POLR3B: variants seen among roughly 807,000 people sequenced by gnomAD.
POLR3B encodes DNA-directed RNA polymerase III subunit RPC2.
POLR3B carries 96 observed loss-of-function variants against 147.4 expected under a neutral mutation model. The observed-to-expected ratio is 0.65, with a 90% CI of 0.55 to 0.77. The LOEUF is 0.77. Among genes scored for constraint, POLR3B ranks in the 30% least tolerant of loss-of-function variants. POLR3B has a pLI of 0.00. For missense variants in POLR3B, 1,036 were observed against 1,413.5 expected (o/e 0.73, Z 4.28); for synonymous variants, 461 against 485.9 (o/e 0.95, Z 0.67).
At chr12:106,486,017 C>T (rs945828506) in intron 23 of POLR3B, among the ~76,000 whole-genome samples, 4 of 151,984 alleles carry the variant, frequency 2.6e-5, no homozygotes, top group Admixed American at 6.6e-5. Context: ...TGGCCAGGCG[C>T]GGTGGCTCAC....
At chr12:106,416,158 A>T (rs1320799321) in intron 12 of POLR3B, among the ~76,000 whole-genome samples, 3 of 152,194 alleles carry the variant, frequency 2.0e-5, no homozygotes, top group Admixed American at 2.0e-4. Flanking sequence ...TTTTCAAAGC[A>T]GTTATGTCCG....
intron 6 of POLR3B, among the ~76,000 whole-genome samples, chr12:106,374,336 G>T (rs890216861): frequency 1.3e-5 from 2 of 151,826 alleles, no homozygotes; most frequent in African/African-American, 4.8e-5. Context: ...CCCACCTCCA[G>T]CCTCCCTGGT....
intron 9 of POLR3B, among the ~76,000 whole-genome samples, chr12:106,384,934 T>G (rs370432565): frequency 1.3e-5 from 2 of 151,976 alleles, no homozygotes; most frequent in East Asian, 1.9e-4. Context: ...CAAGCTATTC[T>G]CCTGCCTCAG....
At chr12:106,456,823 C>G (rs1450877747) in intron 20 of POLR3B, among the ~76,000 whole-genome samples, 5 of 152,150 alleles carry the variant, frequency 3.3e-5, no homozygotes, top group African/African-American at 9.7e-5. Flanking sequence ...GCTCTGTCCT[C>G]TGAAAGAATC....
At chr12:106,472,306 A>G (rs1190783707) in intron 23 of POLR3B, among the ~76,000 whole-genome samples, 1 of 151,968 alleles carries the variant, frequency 6.6e-6, no homozygotes, top group Non-Finnish European at 1.5e-5. Context: ...TATTGTAAAT[A>G]GTGCCACAAT....
At position 106,431,114 on chromosome 12, in the gene POLR3B, G is replaced by T. The variant is rs150412535; in HGVS notation, c.1464+641G>T. ...TTGTATCTCAAGCTCCTAACATAGAGCCTTGGTTAGAGTACAGGCCCCATG... is the reference window on the plus strand; with the variant it reads ...TTGTATCTCAAGCTCCTAACATAGATCCTTGGTTAGAGTACAGGCCCCATG... On this transcript the variant is annotated intron_variant, in intron 14 of 27. Coordinates refer to ENST00000228347, the MANE Select transcript of POLR3B (RefSeq NM_018082.6). Among the ~76,000 whole-genome samples the T allele has an allele frequency of 2.9e-3, 435 of 152,302 alleles. 3 individuals carry two copies. Among genetic ancestry groups the T allele is most frequent in the African/African-American group, 9.9e-3 (412 of 41,554 alleles).
rs869133588 is a variant in POLR3B, at chr12:106,448,427, C to CTTTT, written c.2083+3863_2083+3866dup. On this transcript the variant is annotated intron_variant, in intron 19 of 27. Transcript: ENST00000228347. ...TCCAAATTCTTTACATACGTTATTT[C>CTTTT]TTTTTTTTTTTTTTTTTTTTTTTTT... Among the ~76,000 whole-genome samples the CTTTT allele has an allele frequency of 6.9e-4, 35 of 50,608 alleles. 3 individuals are homozygous for CTTTT. Among genetic ancestry groups the CTTTT allele is most frequent in the East Asian group, 1.1e-3 (2 of 1,754 alleles). 33.2% of individuals were successfully genotyped at this position (50,608 alleles called of 152,430 possible).
intron 12 of POLR3B, among the ~76,000 whole-genome samples, chr12:106,418,691 C>G (rs1177842125): frequency 2.0e-5 from 3 of 152,140 alleles, no homozygotes; most frequent in Non-Finnish European, 1.5e-5. Context: ...GGCTGAAAGG[C>G]CTTGTGCTAC....
intron 25 of POLR3B, among the ~76,000 whole-genome samples, chr12:106,498,998 CTCTA>C (rs1320024602): frequency 5.3e-5 from 8 of 152,248 alleles, no homozygotes; most frequent in African/African-American, 1.2e-4. Flanking sequence ...TTGTTAAAGC[CTCTA>C]TCTATTAAAA....
At chr12:106,407,587 T>C (rs2037166391) in intron 11 of POLR3B, among the ~76,000 whole-genome samples, 2 of 152,130 alleles carry the variant, frequency 1.3e-5, no homozygotes, top group Non-Finnish European at 2.9e-5. Flanking sequence ...TCCAGCACTT[T>C]GGGAGGCTGA....
At chr12:106,393,767 T>TACAC (rs34402190) in intron 10 of POLR3B, among the ~76,000 whole-genome samples, 2,387 of 127,972 alleles carry the variant, frequency 0.019, 25 homozygotes, top group South Asian at 0.041. Flanking sequence ...GACTGAGAAA[T>TACAC]ACACACACAC....
At chr12:106,404,820 A>G (rs769201983) in intron 10 of POLR3B, among the ~76,000 whole-genome samples, 6 of 152,276 alleles carry the variant, frequency 3.9e-5, no homozygotes, top group Non-Finnish European at 7.4e-5. Context: ...GCCTACCCCA[A>G]GGTCAGAAAT....
chr12:106,485,957 G>A (rs1206550569), intron 23 of POLR3B, among the ~76,000 whole-genome samples: 1 of 152,074 alleles, frequency 6.6e-6, no homozygotes, highest in African/African-American at 2.4e-5. Flanking sequence ...TCCTTTAACT[G>A]GTACAGTTCC....
intron 10 of POLR3B, among the ~76,000 whole-genome samples, chr12:106,401,366 T>C (rs1453616506): frequency 6.6e-6 from 1 of 151,004 alleles, no homozygotes; most frequent in Non-Finnish European, 1.5e-5. Context: ...CAGGACCAGA[T>C]GGATTCTACC....
intron 19 of POLR3B, among the ~76,000 whole-genome samples, chr12:106,450,180 T>C (rs553521122): frequency 1.3e-5 from 2 of 152,090 alleles, no homozygotes; most frequent in Non-Finnish European, 2.9e-5. Context: ...TGTATACTTA[T>C]ATGGAAAAAA....
intron 18 of POLR3B, among the ~76,000 whole-genome samples, chr12:106,443,838 T>G (rs570495594): frequency 4.0e-5 from 6 of 148,322 alleles, no homozygotes; most frequent in African/African-American, 1.5e-4. Context: ...CCTATTCTTT[T>G]TTTTTGAGAC....
chr12:106,427,179 CTTTTT>C lies in POLR3B; in HGVS notation c.1102-7_1102-3del. ...TGCTTTTTGAAAAATCACCATATAC[CTTTTT>C]TTTTTTTTTTAGCTTTTATCTCTTC... On this transcript the variant is annotated splice_polypyrimidine_tract_variant and intron_variant, in intron 12 of 27. Transcript: ENST00000228347. The C allele has an allele frequency of 1.6e-6, 2 of 1,229,212 alleles. No individual in the cohort carries two copies. The allele number at this position is 1,229,212 out of a possible 1,614,324, so 76.1% of individuals were successfully genotyped here.
At chr12:106,381,239 A>G (rs1285579225) in intron 9 of POLR3B, among the ~76,000 whole-genome samples, 1 of 152,198 alleles carries the variant, frequency 6.6e-6, no homozygotes, top group African/African-American at 2.4e-5. Context: ...CCTTCATGAA[A>G]GATTTCTCTG....
chr12:106,495,880 G>GTA, intron 23 of POLR3B, 175 bp from the exon 24 acceptor site: 1 of 689,316 alleles, frequency 1.5e-6, no homozygotes, highest in Non-Finnish European at 2.7e-6. Flanking sequence ...AGTCGTTTTT[G>GTA]AACTGTTTGT....
Sources: gnomAD v4.1 joint callset for allele counts (sites outside exome capture counted in the v4.1 genomes callset) on GRCh38, gnomAD v4.1.1 for gene constraint, MANE v1.5 for transcripts, NCBI Gene and HGNC (gene_info 2026-07-23, HGNC 2026-07-21) for gene names.